KCNN2: variants seen among roughly 807,000 people sequenced by gnomAD.
KCNN2 encodes potassium calcium-activated channel subfamily N member 2, also known as small conductance calcium-activated potassium channel protein 2.
Under a neutral mutation model 55.5 loss-of-function variants are expected in KCNN2, and 24 were observed. That is an observed-to-expected ratio of 0.43 (90% CI 0.31 to 0.61). The LOEUF (loss-of-function observed/expected upper bound fraction) is 0.61, where lower values mean the gene tolerates loss of function less well. KCNN2 is among the 20% of genes least tolerant of loss of function. The probability of loss-of-function intolerance (pLI) is 0.08; values close to 1 mark genes in which losing one functional copy is unlikely to be tolerated. For synonymous variants in KCNN2, 431 were observed against 336.1 expected, an observed-to-expected ratio of 1.28 and a Z score of -3.09; for missense variants, 754 against 853.6, an observed-to-expected ratio of 0.88 and a Z score of 1.45.
Position 114,362,532 on chromosome 5 carries a change from G to T in KCNN2, c.393G>T (p.Thr131=). The T allele has an allele frequency of 1.9e-6, 1 of 539,312 alleles. No homozygotes were observed. Among genetic ancestry groups the T allele is most frequent in the Non-Finnish European group, 3.2e-6 (1 of 316,878 alleles). 33.4% of individuals were successfully genotyped at this position (539,312 alleles called of 1,614,324 possible). A position where few individuals can be genotyped will look rare whatever the true frequency, so the allele number is the denominator to read the frequency against. Residue 131 remains threonine (T), a synonymous_variant, in exon 1 of 8, where the codon ACG becomes ACT. Coordinates refer to ENST00000673685, the MANE Select transcript of KCNN2 (RefSeq NM_021614.4). The part of the protein sequence containing the change: ...RGSQLNVSEL[T]PSSHASALRQ... Reference sequence around the variant, plus strand: ...GCCAGCTCAATGTGAGCGAGCTGACGCCGTCCAGCCATGCCAGTGCGCTCC... The same window carrying T: ...GCCAGCTCAATGTGAGCGAGCTGACTCCGTCCAGCCATGCCAGTGCGCTCC...
intron 3 of KCNN2, among the ~76,000 whole-genome samples, chr5:114,456,429 T>G (rs190996420): frequency 1.3e-5 from 2 of 152,346 alleles, no homozygotes; most frequent in East Asian, 3.9e-4. Context: ...AAATTATTAC[T>G]GATCACTGAC....
intron 2 of KCNN2, among the ~76,000 whole-genome samples, chr5:114,237,707 T>G (rs1363634558): frequency 6.6e-6 from 1 of 152,226 alleles, no homozygotes; most frequent in African/African-American, 2.4e-5. Context: ...TGCCCTAATG[T>G]TTTATGATTA....
At chr5:114,161,861 T>C (rs929569716) in intron 1 of KCNN2, among the ~76,000 whole-genome samples, 4 of 152,204 alleles carry the variant, frequency 2.6e-5, no homozygotes, top group Non-Finnish European at 2.9e-5. Context: ...ATCAGGTCCT[T>C]TAAGGACTTC....
At chr5:114,095,710 G>C (rs1030078682) in intron 1 of KCNN2, among the ~76,000 whole-genome samples, 2 of 152,008 alleles carry the variant, frequency 1.3e-5, no homozygotes, top group Non-Finnish European at 2.9e-5. Flanking sequence ...CTAGGGCTTG[G>C]CCTACCTAAC....
chr5:114,435,803 A>C (rs901023492), intron 3 of KCNN2, among the ~76,000 whole-genome samples: 3 of 152,190 alleles, frequency 2.0e-5, no homozygotes, highest in African/African-American at 7.2e-5. Flanking sequence ...ATGTTTTTAC[A>C]TGAATATGAA....
intron 2 of KCNN2, among the ~76,000 whole-genome samples, chr5:114,289,427 T>A (rs1437672851): frequency 1.3e-5 from 2 of 149,876 alleles, no homozygotes; most frequent in Non-Finnish European, 3.0e-5. Context: ...AAGCATGGAG[T>A]ACAGTGGGGC....
At chr5:114,443,345 G>A (rs1760289562) in intron 3 of KCNN2, among the ~76,000 whole-genome samples, 1 of 151,834 alleles carries the variant, frequency 6.6e-6, no homozygotes, top group South Asian at 2.1e-4. Context: ...GAACATGGGG[G>A]TCATTAATAC....
At chr5:114,153,033 A>T (rs1580563602) in intron 1 of KCNN2, among the ~76,000 whole-genome samples, 1 of 152,178 alleles carries the variant, frequency 6.6e-6, no homozygotes, top group Admixed American at 6.6e-5. Flanking sequence ...TATTGACGAG[A>T]TAAGATTTGG....
At chr5:114,292,844 G>A (rs1755924577) in intron 2 of KCNN2, among the ~76,000 whole-genome samples, 2 of 152,160 alleles carry the variant, frequency 1.3e-5, no homozygotes, top group Admixed American at 1.3e-4. Context: ...TCTTACATTT[G>A]TTTGTATCCT....
At chr5:114,207,003 G>A (rs1753789893) in intron 1 of KCNN2, among the ~76,000 whole-genome samples, 1 of 151,988 alleles carries the variant, frequency 6.6e-6, no homozygotes, top group African/African-American at 2.4e-5. Context: ...CCCCTACAAA[G>A]GACTTAGTGT....
intron 5 of KCNN2, among the ~76,000 whole-genome samples, chr5:114,476,229 G>T (rs370497994): frequency 9.0e-5 from 12 of 132,638 alleles, no homozygotes; most frequent in Admixed American, 7.3e-4. Context: ...CCCTTCCTGT[G>T]TCCATGTCCA....
intron 5 of KCNN2, among the ~76,000 whole-genome samples, chr5:114,476,477 C>G (rs1347755483): frequency 6.6e-6 from 1 of 150,834 alleles, no homozygotes; most frequent in Non-Finnish European, 1.5e-5. Context: ...TCTTGTTGCC[C>G]AGGCTGCAGT....
intron 1 of KCNN2, among the ~76,000 whole-genome samples, chr5:114,145,848 G>T (rs546893773): frequency 1.3e-5 from 2 of 152,144 alleles, no homozygotes; most frequent in Non-Finnish European, 2.9e-5. Context: ...GACCTGGACC[G>T]CTGGAGACGA....
At chr5:114,147,589 C>T (rs1439387249) in intron 1 of KCNN2, among the ~76,000 whole-genome samples, 1 of 152,130 alleles carries the variant, frequency 6.6e-6, no homozygotes, top group Admixed American at 6.6e-5. Context: ...AGAGACTTGT[C>T]CCTCTTTCAC....
At chr5:114,399,930 G>GTTTTTTTTTTT (rs35266559) in intron 2 of KCNN2, among the ~76,000 whole-genome samples, 4 of 129,854 alleles carry the variant, frequency 3.1e-5, no homozygotes, top group South Asian at 2.5e-4. Context: ...TTTTTTTTTT[G>GTTTTTTTTTTT]TTTTTTTTTT....
At chr5:114,157,027 T>G (rs56034654) in intron 1 of KCNN2, among the ~76,000 whole-genome samples, 18,981 of 152,016 alleles carry the variant, frequency 0.12, 1,679 homozygotes, top group East Asian at 0.52. Context: ...TATTATACTT[T>G]AAGTTTTAGG....
At chr5:114,298,177 A>G (rs7734407) in intron 2 of KCNN2, among the ~76,000 whole-genome samples, 48,398 of 152,158 alleles carry the variant, frequency 0.32, 8,460 homozygotes, top group Non-Finnish European at 0.4. Flanking sequence ...AAACCAGCAG[A>G]CACTGGCAAA....
intron 2 of KCNN2, among the ~76,000 whole-genome samples, chr5:114,279,675 A>G (rs1447996121): frequency 1.3e-5 from 2 of 152,200 alleles, no homozygotes; most frequent in African/African-American, 4.8e-5. Flanking sequence ...TATATGTGCC[A>G]CATTTTCTTA....
chr5:114,205,916 T>C (rs1350039129), intron 1 of KCNN2, among the ~76,000 whole-genome samples: 1 of 152,310 alleles, frequency 6.6e-6, no homozygotes, highest in South Asian at 2.1e-4. Flanking sequence ...GACAGATTTA[T>C]CCTGTTACTT....
Sources: allele counts gnomAD v4.1 joint callset (sites outside exome capture counted in the v4.1 genomes callset), GRCh38; gene constraint gnomAD v4.1.1; transcripts MANE v1.5; gene names NCBI Gene and HGNC (gene_info 2026-07-23, HGNC 2026-07-21).